RBFOX3: variants seen among roughly 807,000 people sequenced by gnomAD.
The protein encoded by RBFOX3 is RNA binding fox-1 homolog 3, also known as RNA binding protein fox-1 homolog 3.
RBFOX3 carries 17 observed loss-of-function variants against 48.7 expected under a neutral mutation model. That is an observed-to-expected ratio of 0.35 (90% CI 0.24 to 0.52). RBFOX3 has a LOEUF of 0.52. Ranked by LOEUF, RBFOX3 falls within the 20% of genes least tolerant of loss-of-function variation. The pLI is 0.94. For synonymous variants in RBFOX3, 212 were observed against 209.5 expected, an observed-to-expected ratio of 1.01 and a Z score of -0.10; for missense variants, 382 against 497.5, an observed-to-expected ratio of 0.77 and a Z score of 2.21.
At chr17:79,343,765 A>G (rs796999944) in intron 2 of RBFOX3, among the ~76,000 whole-genome samples, 22 of 152,242 alleles carry the variant, frequency 1.4e-4, no homozygotes, top group African/African-American at 5.1e-4. Flanking sequence ...TTCCTTCATC[A>G]TTCATGAGAC....
chr17:79,158,185 G>A (rs978282891), intron 4 of RBFOX3, among the ~76,000 whole-genome samples: 11 of 152,208 alleles, frequency 7.2e-5, no homozygotes, highest in African/African-American at 2.7e-4. Context: ...CCAAGGAAGA[G>A]AGGCCTCCAA....
At chr17:79,130,362 G>C (rs1027149665) in intron 4 of RBFOX3, among the ~76,000 whole-genome samples, 8 of 152,158 alleles carry the variant, frequency 5.3e-5, no homozygotes, top group South Asian at 2.1e-4. Context: ...GCCACACTGT[G>C]GGTGAGCAGG....
At chr17:79,107,722 C>T (rs1482729004) in intron 5 of RBFOX3, among the ~76,000 whole-genome samples, 2 of 152,244 alleles carry the variant, frequency 1.3e-5, no homozygotes, top group Non-Finnish European at 2.9e-5. Flanking sequence ...GACCTAGGCC[C>T]AGGCCCAAGG....
At chr17:79,440,809 T>A (rs888328035) in intron 2 of RBFOX3, among the ~76,000 whole-genome samples, 1 of 151,020 alleles carries the variant, frequency 6.6e-6, no homozygotes. Flanking sequence ...CTCATCAGCA[T>A]CCACACCCCT....
At chr17:79,609,926 G>T (rs899046011) in intron 1 of RBFOX3, among the ~76,000 whole-genome samples, 4 of 151,882 alleles carry the variant, frequency 2.6e-5, no homozygotes, top group Non-Finnish European at 5.9e-5. Flanking sequence ...CCACCGCCCG[G>T]GGCCACCAGG....
At chr17:79,633,935 T>A in the RBFOX3 span, among the ~76,000 whole-genome samples, 2 of 152,174 alleles carry the variant, frequency 1.3e-5, no homozygotes, top group African/African-American at 4.8e-5. Flanking sequence ...ATCATGCACA[T>A]CTGTAATCCC....
intron 2 of RBFOX3, among the ~76,000 whole-genome samples, chr17:79,409,866 C>T (rs2064051694): frequency 6.6e-6 from 1 of 152,178 alleles, no homozygotes; most frequent in Non-Finnish European, 1.5e-5. Context: ...CCCCATCCAC[C>T]CATTTCTTAT....
intron 2 of RBFOX3, among the ~76,000 whole-genome samples, chr17:79,425,674 C>G (rs1046333783): frequency 1.3e-5 from 2 of 152,154 alleles, no homozygotes; most frequent in African/African-American, 4.8e-5. Flanking sequence ...ATGGACAGAG[C>G]AAGGAAGGGG....
chr17:79,096,064 G>A (rs767544664), intron 12 of RBFOX3, among the ~76,000 whole-genome samples: 32 of 152,216 alleles, frequency 2.1e-4, no homozygotes, highest in Non-Finnish European at 4.3e-4. Context: ...ACAAGAGGAC[G>A]TGAGCTCAGA....
chr17:79,171,651 T>G (rs77172543), intron 4 of RBFOX3, among the ~76,000 whole-genome samples: 116 of 150,474 alleles, frequency 7.7e-4, no homozygotes, highest in Non-Finnish European at 1.3e-3. Context: ...AAAAAAAAAA[T>G]AGATCTTGCC....
intron 5 of RBFOX3, among the ~76,000 whole-genome samples, chr17:79,110,616 C>A (rs1191183762): frequency 6.6e-6 from 1 of 152,214 alleles, no homozygotes; most frequent in Non-Finnish European, 1.5e-5. Context: ...CTTGGTGAGC[C>A]GCTGGTGGGC....
the RBFOX3 span, among the ~76,000 whole-genome samples, chr17:79,632,349 C>G: frequency 2.0e-5 from 3 of 152,018 alleles, no homozygotes; most frequent in Non-Finnish European, 4.4e-5. Flanking sequence ...GGGAGAGGAA[C>G]TGGAAATGGG....
chr17:79,592,908 GCA>G (rs2093464267), intron 1 of RBFOX3, among the ~76,000 whole-genome samples: 1 of 152,138 alleles, frequency 6.6e-6, no homozygotes, highest in Non-Finnish European at 1.5e-5. Context: ...AAGGAACCTG[GCA>G]CACCCACTAC....
the RBFOX3 span, among the ~76,000 whole-genome samples, chr17:79,626,470 C>T: frequency 2.6e-5 from 4 of 152,214 alleles, no homozygotes; most frequent in Non-Finnish European, 4.4e-5. Context: ...CCGGTGTCTC[C>T]GGGGCTTAAT....
chr17:79,602,133 G>C (rs2093718970), intron 1 of RBFOX3: 1 of 152,212 alleles, frequency 6.6e-6, no homozygotes, highest in African/African-American at 2.4e-5. Context: ...ATCCTATAAA[G>C]TTGTCCCAGA....
chr17:79,559,309 G>C (rs1258223509), intron 1 of RBFOX3, among the ~76,000 whole-genome samples: 1 of 151,948 alleles, frequency 6.6e-6, no homozygotes, highest in Non-Finnish European at 1.5e-5. Context: ...GTGGGTGGTG[G>C]ATGGTAGATA....
intron 2 of RBFOX3, among the ~76,000 whole-genome samples, chr17:79,345,776 T>C (rs2082808413): frequency 6.6e-6 from 1 of 152,224 alleles, no homozygotes; most frequent in Admixed American, 6.5e-5. Context: ...CTTAAAGACT[T>C]CACTTTTTCT....
chr17:79,342,171 A>G (rs2082208632), intron 2 of RBFOX3, among the ~76,000 whole-genome samples: 2 of 152,164 alleles, frequency 1.3e-5, no homozygotes, highest in East Asian at 3.9e-4. Context: ...TATTCATCAC[A>G]CTGGTTTATT....
chr17:79,319,545 G>GTCTGGGCTGCTGGGCTATA (rs1263319580), intron 2 of RBFOX3, among the ~76,000 whole-genome samples: 42 of 99,996 alleles, frequency 4.2e-4, no homozygotes, highest in Admixed American at 6.7e-4. Flanking sequence ...GCTGGGCTAT[G>GTCTGGGCTGCTGGGCTATA]TCTGGGCTGC....
Sources: allele counts gnomAD v4.1 joint callset (sites outside exome capture counted in the v4.1 genomes callset), GRCh38; gene constraint gnomAD v4.1.1; transcripts MANE v1.5; gene names NCBI Gene and HGNC (gene_info 2026-07-23, HGNC 2026-07-21).